The following DDX19B variants were observed in gnomAD, a reference collection of about 807,000 sequenced individuals.
DDX19B encodes ATP-dependent RNA helicase DDX19B.
DDX19B carries 27 observed loss-of-function variants against 58.1 expected under a neutral mutation model. That is an observed-to-expected ratio of 0.46 (90% CI 0.34 to 0.64). The LOEUF is 0.64. Ranked by LOEUF, DDX19B falls within the 30% of genes least tolerant of loss-of-function variation. DDX19B has a pLI of 0.01. For synonymous variants in DDX19B, 187 were observed against 214.4 expected, an observed-to-expected ratio of 0.87 and a Z score of 1.12; for missense variants, 399 against 596.5, an observed-to-expected ratio of 0.67 and a Z score of 3.45.
In DDX19B at chr16:70,309,585, C is replaced by T. The variant is rs112051251; in HGVS notation, c.58-3024C>T. On this transcript the variant is annotated intron_variant, in intron 1 of 11. Coordinates refer to ENST00000288071, the MANE Select transcript of DDX19B (RefSeq NM_007242.7). ...CTGTAATCCCAGCACTTTGGGAGGC[C>T]GAGGCGGGTGGATCACGAGGTCGAG... 3.5e-3 allele frequency among the ~76,000 whole-genome samples: 528 copies of T among 151,188 alleles called. 2 individuals carry two copies. Among genetic ancestry groups the T allele is most frequent in the African/African-American group, 0.011 (447 of 41,216 alleles).
chr16:70,323,116 A>G (rs1962939912), intron 5 of DDX19B, among the ~76,000 whole-genome samples: 1 of 151,880 alleles, frequency 6.6e-6, no homozygotes, highest in South Asian at 2.1e-4. Context: ...TTTTTGAGAC[A>G]GGGTCTTGCT....
At chr16:70,316,860 C>T (rs1470236698) in intron 4 of DDX19B, among the ~76,000 whole-genome samples, 1 of 152,032 alleles carries the variant, frequency 6.6e-6, no homozygotes, top group Non-Finnish European at 1.5e-5. Context: ...CACTTGAGGT[C>T]AGGAGTTCAA....
upstream of DDX19B, chr16:70,299,140 A>C: frequency 7.3e-7 from 1 of 1,363,754 alleles, no homozygotes; most frequent in Non-Finnish European, 9.4e-7. Flanking sequence ...AGGGTGGCCA[A>C]ACAGGAGTGG....
chr16:70,322,640 T>C (rs1033080682), intron 5 of DDX19B, among the ~76,000 whole-genome samples: 7 of 133,448 alleles, frequency 5.2e-5, no homozygotes, highest in Non-Finnish European at 1.1e-4. Flanking sequence ...ACGACTGTAA[T>C]CCCAACACTT....
chr16:70,328,982 C>T (rs142754634), intron 7 of DDX19B, among the ~76,000 whole-genome samples: 2,317 of 150,226 alleles, frequency 0.015, 49 homozygotes, highest in African/African-American at 0.052. Flanking sequence ...TTTGGGAGGC[C>T]GAGGCAGGTG....
At chr16:70,299,024 T>C, upstream of DDX19B, 1 of 705,694 alleles carries the variant, frequency 1.4e-6, no homozygotes, top group East Asian at 3.5e-5. Context: ...AACCAGAGCT[T>C]AGGCATTTTA....
At chr16:70,298,939 A>G, upstream of DDX19B, 1 of 272,108 alleles carries the variant, frequency 3.7e-6, no homozygotes, top group Non-Finnish European at 6.8e-6. Context: ...CAATCTGTTC[A>G]ATCTGTATTA....
chr16:70,324,105 C>G (rs1419476612), intron 5 of DDX19B, among the ~76,000 whole-genome samples: 2 of 151,958 alleles, frequency 1.3e-5, no homozygotes, highest in Non-Finnish European at 2.9e-5. Flanking sequence ...CATGCAGGAC[C>G]TGTATGCCAT....
chr16:70,331,703 A>T lies in DDX19B; in HGVS notation c.1024-19A>T, dbSNP rs1426338808. On this transcript the variant is annotated intron_variant, in intron 9 of 11. Transcript: ENST00000288071. ...TTTTTAACAGGTCTCTTCATAAAAA[A>T]CAATTCTTTTCACTACAGACTCGCA... 1.2e-6 allele frequency: 2 copies of T among 1,608,060 alleles called. No individual in the cohort carries two copies. The highest frequency in any genetic ancestry group is 2.7e-5 in the African/African-American group (2 of 74,398).
chr16:70,313,996 C>G (rs1962227825), intron 2 of DDX19B, among the ~76,000 whole-genome samples: 1 of 151,976 alleles, frequency 6.6e-6, no homozygotes, highest in East Asian at 1.9e-4. Flanking sequence ...GTAATCCCAG[C>G]TACTCAGGAT....
intron 9 of DDX19B, among the ~76,000 whole-genome samples, chr16:70,331,253 G>C (rs1963465030): frequency 6.6e-6 from 1 of 151,822 alleles, no homozygotes; most frequent in Non-Finnish European, 1.5e-5. Flanking sequence ...TTGCTATGTT[G>C]TCCAGGCTGG....
chr16:70,321,648 G>A (rs1237315803), intron 5 of DDX19B, among the ~76,000 whole-genome samples: 2 of 152,160 alleles, frequency 1.3e-5, no homozygotes, highest in Non-Finnish European at 2.9e-5. Context: ...AATATAACAG[G>A]TGATAAATTA....
intron 1 of DDX19B, among the ~76,000 whole-genome samples, chr16:70,300,747 C>T (rs769598405): frequency 2.0e-5 from 3 of 152,166 alleles, no homozygotes; most frequent in African/African-American, 4.8e-5. Context: ...CCAGGTTGGT[C>T]TTGACCTGCT....
chr16:70,295,724 G>A (rs1961192543), upstream of DDX19B, among the ~76,000 whole-genome samples: 1 of 152,018 alleles, frequency 6.6e-6, no homozygotes, highest in Non-Finnish European at 1.5e-5. Flanking sequence ...ATGGAGCCAA[G>A]CACAGCTGCA....
At chr16:70,300,363 GC>G (rs763833164) in intron 1 of DDX19B, among the ~76,000 whole-genome samples, 78 of 150,070 alleles carry the variant, frequency 5.2e-4, no homozygotes, top group Non-Finnish European at 1.1e-3. Flanking sequence ...GTGCCACTAT[GC>G]CCAACTACTT....
upstream of DDX19B, among the ~76,000 whole-genome samples, chr16:70,297,973 C>T (rs1183240630): frequency 6.6e-6 from 1 of 152,208 alleles, no homozygotes; most frequent in Non-Finnish European, 1.5e-5. Context: ...CCCACCTCCA[C>T]CTCCCAAAAT....
chr16:70,314,680 TAAAATAA>T, intron 2 of DDX19B: 1 of 210,814 alleles, frequency 4.7e-6, no homozygotes, highest in African/African-American at 3.1e-5. Context: ...AAATAAATAA[TAAAATAA>T]ATATCTATCT....
At chr16:70,295,964 CA>C (rs1961202020), upstream of DDX19B, among the ~76,000 whole-genome samples, 2 of 151,828 alleles carry the variant, frequency 1.3e-5, no homozygotes, top group East Asian at 3.9e-4. Flanking sequence ...AGGCCCTCAC[CA>C]GGGGCAGCCA....
chr16:70,315,106 G>A, intron 3 of DDX19B, 151 bp downstream of exon 3: 4 of 737,370 alleles, frequency 5.4e-6, no homozygotes, highest in Non-Finnish European at 6.3e-6. Context: ...GCCGGGCACG[G>A]TGGCTTACAC....
Sources: gnomAD v4.1 joint callset for allele counts (sites outside exome capture counted in the v4.1 genomes callset) on GRCh38, gnomAD v4.1.1 for gene constraint, MANE v1.5 for transcripts, NCBI Gene and HGNC (gene_info 2026-07-23, HGNC 2026-07-21) for gene names.